The following DOP1B variants were observed in gnomAD, a reference collection of about 807,000 sequenced individuals.
DOP1B encodes DOP1 leucine zipper like protein B.
DOP1B carries 174 observed loss-of-function variants against 233.5 expected under a neutral mutation model. The ratio of observed to expected loss-of-function variants is 0.75; its 90% CI spans 0.66 to 0.85. The LOEUF (loss-of-function observed/expected upper bound fraction) is 0.85, where lower values mean the gene tolerates loss of function less well. Among genes scored for constraint, DOP1B ranks in the 40% least tolerant of loss-of-function variants. The probability of loss-of-function intolerance (pLI) is 0.00; values close to 1 mark genes in which losing one functional copy is unlikely to be tolerated. For missense variants in DOP1B, 2,652 were observed against 2,846.6 expected, an observed-to-expected ratio of 0.93 and a Z score of 1.56; for synonymous variants, 1,190 against 1,185.6, an observed-to-expected ratio of 1.00 and a Z score of -0.08.
At chr21:36,269,406 C>T (rs1056203816) in intron 26 of DOP1B, among the ~76,000 whole-genome samples, 27 of 152,152 alleles carry the variant, frequency 1.8e-4, no homozygotes, top group Admixed American at 1.6e-3. Flanking sequence ...CCGCCCGCCT[C>T]AGCCTCCCAA....
At chr21:36,233,101 T>A in intron 15 of DOP1B, 26 bp downstream of exon 15, 1 of 1,608,982 alleles carries the variant, frequency 6.2e-7, no homozygotes, top group South Asian at 1.1e-5. Flanking sequence ...AACACTCTTC[T>A]TATGGCCTCC....
In DOP1B at chr21:36,283,644, C is replaced by T. The variant is rs373703110; in HGVS notation, c.6160+2033C>T. ...TTAATCAGACGGTAACCAGGAGCAC[C>T]AGTAAAGGTAATGTCAGCTCTCCAA... is the stretch of plus-strand genomic sequence containing the variant. On this transcript the variant is annotated intron_variant, in intron 32 of 36. Transcript: ENST00000691173. Among the ~76,000 whole-genome samples, 11 of 152,134 alleles carry T rather than the reference C, an allele frequency of 7.2e-5. No individual in the cohort carries two copies. The East Asian group carries it at 2.1e-3, about 29-fold the overall frequency.
At chr21:36,257,596 TGATAGATAGATAGATA>T (rs34032773) in intron 23 of DOP1B, among the ~76,000 whole-genome samples, 394 of 150,194 alleles carry the variant, frequency 2.6e-3, no homozygotes, top group African/African-American at 7.3e-3. Flanking sequence ...CGTAGATAGA[TGATAGATAGATAGATA>T]GATAGATAGA....
Position 36,165,009 on chromosome 21 carries a change from A to T in DOP1B, c.138+138A>T, listed in dbSNP as rs933039829. The T allele has an allele frequency of 5.2e-6, 4 of 770,290 alleles. No individual in the cohort carries two copies. In the African/African-American group the frequency reaches 7.4e-5, roughly 14 times the overall value. 47.7% of individuals were successfully genotyped at this position (770,290 alleles called of 1,614,324 possible). The stretch of plus-strand genomic sequence containing the variant: ...TTACATATTATACAGTATAATCTTT[A>T]TATTATTTCAAGGAAATACCATTAT... On this transcript the variant is annotated intron_variant, in intron 2 of 36. Transcript: ENST00000691173.
intron 9 of DOP1B, among the ~76,000 whole-genome samples, chr21:36,215,674 G>A (rs2066550694): frequency 6.6e-6 from 1 of 150,526 alleles, no homozygotes; most frequent in Non-Finnish European, 1.5e-5. Flanking sequence ...CAAAGTGCTG[G>A]GATTACAGGT....
At chr21:36,196,848 G>A (rs895339747) in intron 2 of DOP1B, among the ~76,000 whole-genome samples, 1 of 152,144 alleles carries the variant, frequency 6.6e-6, no homozygotes. Flanking sequence ...GGAACCTGGA[G>A]GTTGAAGCTG....
chr21:36,289,065 G>A lies in DOP1B; in HGVS notation c.6374G>A (p.Arg2125Lys). The change falls in exon 35 of 37, where the codon AGA becomes AAA. Residue 2125 changes from arginine (R) to lysine (K), a missense_variant. By Grantham distance (26) the Arg-to-Lys change is conservative. Around this residue, in one of 3 missense-constraint regions of DOP1B, gnomAD observed 2,617 missense variants for 2,794.3 expected, o/e 0.94. Coordinates refer to ENST00000691173, the MANE Select transcript of DOP1B (RefSeq NM_001320714.2). ...TATAGAAGCACCAACAAAGTAAACAGAACGAAAGTTTCAGTCCCGGATGCA... is the reference window on the plus strand; with the variant it reads ...TATAGAAGCACCAACAAAGTAAACAAAACGAAAGTTTCAGTCCCGGATGCA... ...ESLRSTNKVN[R>K]TKVSVPDANG... 1.2e-6 allele frequency: 2 copies of A among 1,612,466 alleles called. No homozygotes were observed. Among genetic ancestry groups the A allele is most frequent in the Non-Finnish European group, 1.7e-6 (2 of 1,179,698 alleles).
chr21:36,166,851 C>T (rs988180139), intron 2 of DOP1B, among the ~76,000 whole-genome samples: 6 of 152,334 alleles, frequency 3.9e-5, no homozygotes, highest in African/African-American at 1.2e-4. Flanking sequence ...GTTCTTACAG[C>T]TCGTGGCCAG....
intron 2 of DOP1B, among the ~76,000 whole-genome samples, chr21:36,175,249 T>C (rs2123416350): frequency 6.6e-6 from 1 of 152,228 alleles, no homozygotes; most frequent in South Asian, 2.1e-4. Flanking sequence ...TAGCTGGGAT[T>C]ACAGGTGCCT....
At chr21:36,255,370 A>G (rs932107639) in intron 23 of DOP1B, among the ~76,000 whole-genome samples, 2 of 150,784 alleles carry the variant, frequency 1.3e-5, no homozygotes, top group Non-Finnish European at 3.0e-5. Context: ...CTTGAACTCC[A>G]CTTGCCTTGG....
At chr21:36,172,273 C>T (rs760904341) in intron 2 of DOP1B, among the ~76,000 whole-genome samples, 1 of 152,088 alleles carries the variant, frequency 6.6e-6, no homozygotes, top group Non-Finnish European at 1.5e-5. Context: ...AAGAATTCCC[C>T]GGGCCGTCAG....
At chr21:36,208,571 A>T in intron 4 of DOP1B, 144 bp from the exon 5 acceptor site, 1 of 804,230 alleles carries the variant, frequency 1.2e-6, no homozygotes, top group Non-Finnish European at 1.9e-6. Flanking sequence ...GAGAGATGGC[A>T]GCGGCTCCCG....
Position 36,200,327 on chromosome 21 carries a change from G to A in DOP1B, c.321-4G>A, listed in dbSNP as rs374011941. The A allele has an allele frequency of 2.5e-5, 39 of 1,581,370 alleles. No homozygotes were observed. The highest frequency in any genetic ancestry group is 3.1e-5 in the Non-Finnish European group (36 of 1,163,264). ...GCCCCGCTCCCTCTCGTTCTTTCTC[G>A]AAGCTGCGGGTTATTTCCTCTCCTG... is the stretch of plus-strand genomic sequence containing the variant. On this transcript the variant is annotated splice_region_variant and splice_polypyrimidine_tract_variant and intron_variant, in intron 3 of 36. Transcript: ENST00000691173.
At chr21:36,205,652 T>C (rs374106824) in intron 4 of DOP1B, among the ~76,000 whole-genome samples, 60 of 151,800 alleles carry the variant, frequency 4.0e-4, no homozygotes, top group African/African-American at 1.4e-3. Flanking sequence ...CCTCCCAAAG[T>C]GCTGGGATTA....
chr21:36,158,163 AT>A (rs1431920042), intron 1 of DOP1B, among the ~76,000 whole-genome samples: 1 of 152,066 alleles, frequency 6.6e-6, no homozygotes, highest in African/African-American at 2.4e-5. Flanking sequence ...GACATTTTCG[AT>A]TTTAAGGTAT....
At chr21:36,274,361 T>C (rs1300841616) in intron 27 of DOP1B, among the ~76,000 whole-genome samples, 1 of 152,196 alleles carries the variant, frequency 6.6e-6, no homozygotes, top group East Asian at 1.9e-4. Context: ...GATGTAGTTA[T>C]TTTAGAAAAT....
intron 2 of DOP1B, among the ~76,000 whole-genome samples, chr21:36,185,079 C>A (rs1352722991): frequency 2.0e-5 from 3 of 152,188 alleles, no homozygotes; most frequent in Non-Finnish European, 2.9e-5. Context: ...CTTTAACAAG[C>A]AGGTTTCCCT....
intron 1 of DOP1B, 28 bp from the exon 2 acceptor site, chr21:36,164,680 A>AT (rs2065893044): frequency 6.7e-7 from 1 of 1,503,654 alleles, no homozygotes. Context: ...TGGCTCTCTC[A>AT]TTTGGTTATT....
At chr21:36,190,091 G>A (rs1366424591) in intron 2 of DOP1B, among the ~76,000 whole-genome samples, 1 of 150,090 alleles carries the variant, frequency 6.7e-6, no homozygotes, top group Admixed American at 6.7e-5. Context: ...GCTGAGGCAG[G>A]CAGATTGCCT....
Sources: allele counts gnomAD v4.1 joint callset (sites outside exome capture counted in the v4.1 genomes callset), GRCh38; gene constraint gnomAD v4.1.1; regional missense constraint gnomAD v4.1.1; transcripts MANE v1.5; gene names NCBI Gene and HGNC (gene_info 2026-07-23, HGNC 2026-07-21).